Variants in SEMA6D observed in about 807,000 individuals in gnomAD.
SEMA6D encodes semaphorin 6D.
Under a neutral mutation model 106.6 loss-of-function variants are expected in SEMA6D, and 35 were observed. That is an observed-to-expected ratio of 0.33 (90% CI 0.25 to 0.44). The LOEUF (loss-of-function observed/expected upper bound fraction) is 0.44, where lower values mean the gene tolerates loss of function less well. Ranked by LOEUF, SEMA6D falls within the 20% of genes least tolerant of loss-of-function variation. SEMA6D has a pLI of 1.00. For missense variants in SEMA6D, 1,185 were observed against 1,345.9 expected (o/e 0.88, Z 1.87); for synonymous variants, 499 against 487.7 (o/e 1.02, Z -0.31).
At chr15:47,532,367 G>A (rs2045000163) in intron 3 of SEMA6D, among the ~76,000 whole-genome samples, 1 of 152,098 alleles carries the variant, frequency 6.6e-6, no homozygotes, top group Admixed American at 6.6e-5. Context: ...GACTTTCCTG[G>A]AACCTCTAAC....
intron 1 of SEMA6D, among the ~76,000 whole-genome samples, chr15:47,260,556 C>T (rs1471668096): frequency 1.3e-5 from 2 of 152,042 alleles, no homozygotes; most frequent in African/African-American, 4.8e-5. Flanking sequence ...AAAGAAGTCT[C>T]GAAGAGATTT....
At chr15:47,676,321 A>G (rs2078244593) in intron 4 of SEMA6D, among the ~76,000 whole-genome samples, 1 of 152,208 alleles carries the variant, frequency 6.6e-6, no homozygotes, top group African/African-American at 2.4e-5. Flanking sequence ...GCTAGCTGCT[A>G]AAACTGCACC....
intron 3 of SEMA6D, among the ~76,000 whole-genome samples, chr15:47,538,572 A>G (rs2045250964): frequency 6.6e-6 from 1 of 152,252 alleles, no homozygotes; most frequent in Non-Finnish European, 1.5e-5. Context: ...TATCTGTACC[A>G]GAATCCACTG....
intron 1 of SEMA6D, among the ~76,000 whole-genome samples, chr15:47,212,805 G>A (rs187853885): frequency 8.9e-4 from 135 of 152,264 alleles, no homozygotes; most frequent in Middle Eastern, 3.4e-3. Context: ...GGCATGAGGT[G>A]TCAGGAAGAT....
chr15:47,518,777 T>C (rs1434983421), intron 3 of SEMA6D, among the ~76,000 whole-genome samples: 2 of 152,186 alleles, frequency 1.3e-5, no homozygotes, highest in African/African-American at 4.8e-5. Context: ...CTCCTTATCT[T>C]GTCCCACTGG....
intron 1 of SEMA6D, among the ~76,000 whole-genome samples, chr15:47,238,310 A>G (rs1391196405): frequency 1.3e-5 from 2 of 152,086 alleles, no homozygotes; most frequent in Non-Finnish European, 2.9e-5. Context: ...AGGGCACACT[A>G]AAAGCACACA....
intron 1 of SEMA6D, among the ~76,000 whole-genome samples, chr15:47,306,751 T>G (rs1317258096): frequency 1.3e-5 from 2 of 152,212 alleles, no homozygotes; most frequent in Non-Finnish European, 2.9e-5. Context: ...TTGATACAAA[T>G]AAACAATGAG....
At chr15:47,301,244 G>A (rs528918416) in intron 1 of SEMA6D, among the ~76,000 whole-genome samples, 1 of 152,278 alleles carries the variant, frequency 6.6e-6, no homozygotes, top group Non-Finnish European at 1.5e-5. Context: ...GTCAGCAAAG[G>A]TCAGAAAGGC....
intron 3 of SEMA6D, among the ~76,000 whole-genome samples, chr15:47,512,110 A>T (rs1424163588): frequency 6.6e-6 from 1 of 152,220 alleles, no homozygotes; most frequent in African/African-American, 2.4e-5. Context: ...ATACCAATAC[A>T]TAAGCTGACA....
chr15:47,287,619 A>C (rs1273538944), intron 1 of SEMA6D, among the ~76,000 whole-genome samples: 1 of 152,098 alleles, frequency 6.6e-6, no homozygotes, highest in Non-Finnish European at 1.5e-5. Flanking sequence ...CTTACACCTA[A>C]ATTGTTCCAC....
At chr15:47,687,949 A>G (rs2078504306) in intron 4 of SEMA6D, among the ~76,000 whole-genome samples, 1 of 152,176 alleles carries the variant, frequency 6.6e-6, no homozygotes, top group African/African-American at 2.4e-5. Context: ...TAGAATTTTG[A>G]TAGCTCATGT....
At chr15:47,657,939 G>A (rs1000974466) in intron 4 of SEMA6D, among the ~76,000 whole-genome samples, 10 of 150,668 alleles carry the variant, frequency 6.6e-5, no homozygotes, top group Non-Finnish European at 1.0e-4. Flanking sequence ...ACGGGGTTTC[G>A]CCTTGTTAGC....
At chr15:47,507,345 C>A (rs2044080197) in intron 3 of SEMA6D, among the ~76,000 whole-genome samples, 2 of 122,346 alleles carry the variant, frequency 1.6e-5, no homozygotes, top group South Asian at 7.0e-4. Flanking sequence ...GGACACCCCC[C>A]CCCACCCCCC....
chr15:47,618,307 G>A (rs2077041784), intron 4 of SEMA6D, among the ~76,000 whole-genome samples: 1 of 152,204 alleles, frequency 6.6e-6, no homozygotes, highest in Non-Finnish European at 1.5e-5. Context: ...ATCCGAGGAG[G>A]TTTTTGCCTG....
intron 1 of SEMA6D, among the ~76,000 whole-genome samples, chr15:47,285,423 CAGTT>C (rs2035314764): frequency 6.6e-6 from 1 of 151,564 alleles, no homozygotes; most frequent in Non-Finnish European, 1.5e-5. Flanking sequence ...GAGGAGTTCA[CAGTT>C]TGTTTGTTTT....
At chr15:47,714,788 C>T (rs890274725), upstream of SEMA6D, among the ~76,000 whole-genome samples, 1 of 152,194 alleles carries the variant, frequency 6.6e-6, no homozygotes, top group Non-Finnish European at 1.5e-5. Flanking sequence ...CAATCTAGAG[C>T]TGACTGTATT....
chr15:47,646,922 T>C (rs966227762), intron 4 of SEMA6D, among the ~76,000 whole-genome samples: 1 of 152,214 alleles, frequency 6.6e-6, no homozygotes, highest in African/African-American at 2.4e-5. Context: ...TTAAGTTTCA[T>C]CCAAACTGCA....
chr15:47,187,733 C>T (rs1893674319), intron 1 of SEMA6D, among the ~76,000 whole-genome samples: 1 of 151,996 alleles, frequency 6.6e-6, no homozygotes, highest in African/African-American at 2.4e-5. Context: ...TGTTATTTTT[C>T]TCCTATGTCA....
At chr15:47,206,777 C>G (rs923942426) in intron 1 of SEMA6D, among the ~76,000 whole-genome samples, 1 of 152,094 alleles carries the variant, frequency 6.6e-6, no homozygotes, top group Non-Finnish European at 1.5e-5. Context: ...CAACGGCATT[C>G]CTATCTGTCA....
Sources: gnomAD v4.1 joint callset for allele counts (sites outside exome capture counted in the v4.1 genomes callset) on GRCh38, gnomAD v4.1.1 for gene constraint, MANE v1.5 for transcripts, NCBI Gene and HGNC (gene_info 2026-07-23, HGNC 2026-07-21) for gene names.